The following CACNA2D3 variants were observed in gnomAD, a reference collection of about 807,000 sequenced individuals.
The protein encoded by CACNA2D3 is calcium voltage-gated channel auxiliary subunit alpha2delta 3.
CACNA2D3 carries 60 observed loss-of-function variants against 160.6 expected under a neutral mutation model. The observed-to-expected ratio is 0.37, with a 90% CI of 0.30 to 0.46. CACNA2D3 has a LOEUF of 0.46. Among genes scored for constraint, CACNA2D3 ranks in the 20% least tolerant of loss-of-function variants. CACNA2D3 has a pLI of 1.00. For synonymous variants in CACNA2D3, 558 were observed against 492.9 expected (o/e 1.13, Z -1.75); for missense variants, 1,205 against 1,365.0 (o/e 0.88, Z 1.85).
At chr3:54,952,884 A>G (rs1255062426) in intron 27 of CACNA2D3, among the ~76,000 whole-genome samples, 1 of 152,164 alleles carries the variant, frequency 6.6e-6, no homozygotes, top group Non-Finnish European at 1.5e-5. Context: ...TGGGTGGTTG[A>G]GATGACACTA....
chr3:54,461,563 T>C (rs925009837), intron 4 of CACNA2D3, among the ~76,000 whole-genome samples: 2 of 151,840 alleles, frequency 1.3e-5, no homozygotes, highest in South Asian at 2.1e-4. Flanking sequence ...TTTATTTGCA[T>C]AGAGGTGTTT....
chr3:55,070,791 GGT>G (rs1173183697), intron 35 of CACNA2D3, among the ~76,000 whole-genome samples: 9 of 152,128 alleles, frequency 5.9e-5, no homozygotes, highest in African/African-American at 2.2e-4. Flanking sequence ...ATTGATGAAA[GGT>G]GTTTTTTAAC....
chr3:54,851,301 A>G (rs1193776767), intron 17 of CACNA2D3, among the ~76,000 whole-genome samples: 1 of 152,202 alleles, frequency 6.6e-6, no homozygotes, highest in Non-Finnish European at 1.5e-5. Context: ...TGGAAGATAC[A>G]TCTAGCAGCA....
chr3:54,532,885 C>G (rs1701827208), intron 5 of CACNA2D3, among the ~76,000 whole-genome samples: 1 of 152,160 alleles, frequency 6.6e-6, no homozygotes, highest in South Asian at 2.1e-4. Context: ...ATACTGTTTT[C>G]CATAGAGGTT....
intron 4 of CACNA2D3, among the ~76,000 whole-genome samples, chr3:54,458,593 A>G (rs1410031013): frequency 6.6e-6 from 1 of 151,804 alleles, no homozygotes; most frequent in Non-Finnish European, 1.5e-5. Flanking sequence ...TGCTGTGTTT[A>G]GCATTCTCTC....
At chr3:54,500,332 G>A (rs893468062) in intron 4 of CACNA2D3, among the ~76,000 whole-genome samples, 2 of 152,076 alleles carry the variant, frequency 1.3e-5, no homozygotes, top group Admixed American at 1.3e-4. Flanking sequence ...GTTAGGTCTT[G>A]TATTTTAATC....
chr3:54,546,131 G>A (rs994129538), intron 5 of CACNA2D3, among the ~76,000 whole-genome samples: 5 of 152,176 alleles, frequency 3.3e-5, no homozygotes, highest in African/African-American at 4.8e-5. Context: ...TGGAACTACC[G>A]GACAACAGGG....
At chr3:54,919,948 AGAG>A (rs1280627169) in intron 27 of CACNA2D3, among the ~76,000 whole-genome samples, 2 of 152,174 alleles carry the variant, frequency 1.3e-5, no homozygotes, top group African/African-American at 2.4e-5. Context: ...TTGTGAGGTC[AGAG>A]GAGTGGGCAG....
At chr3:54,604,728 T>C (rs1371432307) in intron 9 of CACNA2D3, among the ~76,000 whole-genome samples, 1 of 152,118 alleles carries the variant, frequency 6.6e-6, no homozygotes, top group Admixed American at 6.5e-5. Context: ...AACCTTCTAA[T>C]AGGTTGTCCT....
intron 27 of CACNA2D3, among the ~76,000 whole-genome samples, chr3:54,923,569 T>C: frequency 6.6e-6 from 1 of 152,214 alleles, no homozygotes; most frequent in East Asian, 1.9e-4. Context: ...TCATCTTATT[T>C]AACATCTGTT....
intron 35 of CACNA2D3, among the ~76,000 whole-genome samples, chr3:55,025,039 C>T (rs1450330638): frequency 2.0e-5 from 3 of 152,172 alleles, no homozygotes; most frequent in Non-Finnish European, 2.9e-5. Context: ...GCCAGTATCT[C>T]TTAGTGAAGA....
At chr3:54,699,143 C>G (rs546985845) in intron 11 of CACNA2D3, among the ~76,000 whole-genome samples, 12 of 152,290 alleles carry the variant, frequency 7.9e-5, no homozygotes, top group African/African-American at 2.9e-4. Context: ...TGACAGAACC[C>G]AAGTCATAGG....
chr3:54,324,005 AT>A (rs1433599171), intron 3 of CACNA2D3, among the ~76,000 whole-genome samples: 1 of 152,186 alleles, frequency 6.6e-6, no homozygotes, highest in Non-Finnish European at 1.5e-5. Context: ...ATTTATTAAC[AT>A]TTCCATTGGT....
chr3:54,594,253 CTTTACAA>C (rs1340888203), intron 9 of CACNA2D3, among the ~76,000 whole-genome samples: 3 of 152,154 alleles, frequency 2.0e-5, no homozygotes, highest in East Asian at 3.8e-4. Flanking sequence ...AACTACTCAG[CTTTACAA>C]TTGTAGCATG....
chr3:54,453,804 A>C (rs916025205), intron 4 of CACNA2D3, among the ~76,000 whole-genome samples: 1 of 152,206 alleles, frequency 6.6e-6, no homozygotes, highest in Admixed American at 6.5e-5. Flanking sequence ...ATATTTGCAC[A>C]AAAGTCCTGG....
chr3:54,332,236 CA>C (rs1704283063), intron 3 of CACNA2D3, among the ~76,000 whole-genome samples: 1 of 152,190 alleles, frequency 6.6e-6, no homozygotes, highest in Non-Finnish European at 1.5e-5. Context: ...TCCTTTTTAT[CA>C]CAGTGTGGTG....
rs1289329680 is a variant in CACNA2D3 at position 54,821,719 on chromosome 3, C to T, written c.1398+4849C>T. Among the ~76,000 whole-genome samples, 326 of 63,440 alleles carry T rather than the reference C, an allele frequency of 5.1e-3. 7 individuals are homozygous for T. The highest frequency in any genetic ancestry group is 0.014 in the African/African-American group (302 of 21,002). The allele number at this position is 63,440 out of a possible 152,430, so 41.6% of individuals were successfully genotyped here. On this transcript the variant is annotated intron_variant, in intron 14 of 37. Transcript: ENST00000474759. ...TTCTTTCCTTCCTTCCTTCTTTCCT[C>T]TCTCTCTCTCTCTCTCTTTCTCTCT...
intron 2 of CACNA2D3, among the ~76,000 whole-genome samples, chr3:54,274,947 T>G (rs2107455461): frequency 6.6e-6 from 1 of 152,344 alleles, no homozygotes; most frequent in Middle Eastern, 3.4e-3. Context: ...ATTTTATTCA[T>G]TAGGAAGAAG....
intron 2 of CACNA2D3, among the ~76,000 whole-genome samples, chr3:54,296,071 C>G (rs1703336195): frequency 6.6e-6 from 1 of 152,116 alleles, no homozygotes; most frequent in African/African-American, 2.4e-5. Flanking sequence ...CTTTGCCCAG[C>G]CTTGGAAGGG....
Sources: gnomAD v4.1 joint callset for allele counts (sites outside exome capture counted in the v4.1 genomes callset) on GRCh38, gnomAD v4.1.1 for gene constraint, MANE v1.5 for transcripts, NCBI Gene and HGNC (gene_info 2026-07-23, HGNC 2026-07-21) for gene names.